The following TOX variants were observed in gnomAD, a reference collection of about 807,000 sequenced individuals.
TOX encodes the protein thymocyte selection associated high mobility group box.
A neutral mutation model predicts 53.7 loss-of-function variants in TOX; 11 were observed. The observed-to-expected ratio is 0.20, with a 90% CI of 0.13 to 0.34. The LOEUF (loss-of-function observed/expected upper bound fraction) is 0.34. Among genes scored for constraint, TOX ranks in the 10% least tolerant of loss-of-function variants. TOX has a pLI of 1.00. For synonymous variants in TOX, 225 were observed against 245.3 expected, an observed-to-expected ratio of 0.92 and a Z score of 0.77; for missense variants, 570 against 664.6, an observed-to-expected ratio of 0.86 and a Z score of 1.56.
intron 1 of TOX, among the ~76,000 whole-genome samples, chr8:59,077,891 T>C (rs1804320551): frequency 6.6e-6 from 1 of 152,170 alleles, no homozygotes; most frequent in Non-Finnish European, 1.5e-5. Flanking sequence ...CCCTTAATCA[T>C]GGTAAGACAA....
At chr8:59,114,548 C>G (rs1468462050) in intron 1 of TOX, among the ~76,000 whole-genome samples, 2 of 152,028 alleles carry the variant, frequency 1.3e-5, no homozygotes, top group African/African-American at 4.8e-5. Flanking sequence ...GATAAAACTC[C>G]CAGGGGAATT....
intron 2 of TOX, among the ~76,000 whole-genome samples, chr8:58,950,973 T>C (rs765706042): frequency 6.6e-6 from 1 of 152,228 alleles, no homozygotes. Context: ...TACTGCTTTG[T>C]AACTAAGAAA....
At position 58,807,559 on chromosome 8, in the gene TOX, G is replaced by C; in HGVS notation, c.*188C>G. The C allele has an allele frequency of 1.7e-6, 1 of 596,438 alleles. No individual in the cohort carries two copies. The highest frequency in any genetic ancestry group is 2.8e-5 in the East Asian group (1 of 35,322). The allele number at this position is 596,438 out of a possible 1,614,324, so 36.9% of individuals were successfully genotyped here. On this transcript the variant is annotated 3_prime_UTR_variant, in exon 9 of 9. Transcript: ENST00000361421. ...AAGAAGAAAAACAATGTCCATAAAG[G>C]ATTAAAAAAATAATAAAGAAGCATG...
chr8:59,017,543 A>G (rs555830585), intron 1 of TOX, among the ~76,000 whole-genome samples: 61 of 152,222 alleles, frequency 4.0e-4, no homozygotes, highest in Non-Finnish European at 7.8e-4. Context: ...AATTTGAGAT[A>G]ATTTTCATAG....
At chr8:58,956,088 T>C (rs1350016992) in intron 2 of TOX, among the ~76,000 whole-genome samples, 1 of 152,150 alleles carries the variant, frequency 6.6e-6, no homozygotes, top group Non-Finnish European at 1.5e-5. Context: ...GGGAAAGCCA[T>C]GGCACATCTT....
chr8:58,968,733 A>G (rs1812948320), intron 1 of TOX, among the ~76,000 whole-genome samples: 2 of 152,186 alleles, frequency 1.3e-5, no homozygotes, highest in Admixed American at 6.5e-5. Context: ...AAGTAAGAAT[A>G]TTTTTCTACA....
At chr8:58,884,343 C>T (rs1811434049) in intron 3 of TOX, among the ~76,000 whole-genome samples, 1 of 152,092 alleles carries the variant, frequency 6.6e-6, no homozygotes, top group Non-Finnish European at 1.5e-5. Flanking sequence ...GAAGGTTATT[C>T]ATAGATCCAA....
chr8:58,960,637 C>T (rs999494268), intron 1 of TOX, among the ~76,000 whole-genome samples: 5 of 151,996 alleles, frequency 3.3e-5, no homozygotes, highest in Admixed American at 1.3e-4. Context: ...TTTCAGATAT[C>T]GAATTTATGT....
chr8:59,001,449 T>C (rs1037303754), intron 1 of TOX, among the ~76,000 whole-genome samples: 2 of 152,150 alleles, frequency 1.3e-5, no homozygotes, highest in African/African-American at 4.8e-5. Flanking sequence ...ATGGGAAAAG[T>C]GATTCTAGCA....
chr8:59,015,249 C>T (rs546506218), intron 1 of TOX, among the ~76,000 whole-genome samples: 46 of 152,304 alleles, frequency 3.0e-4, no homozygotes, highest in Admixed American at 2.6e-3. Context: ...CGATTCAGCA[C>T]GGGACACTGC....
At chr8:58,971,188 C>T (rs1389258449) in intron 1 of TOX, among the ~76,000 whole-genome samples, 1 of 152,216 alleles carries the variant, frequency 6.6e-6, no homozygotes, top group African/African-American at 2.4e-5. Flanking sequence ...CAAAAGCAAA[C>T]TGCGGGTGGG....
Position 59,118,778 on chromosome 8 carries a change from C to A in TOX, c.102+108G>T. 1.4e-6 allele frequency: 1 copy of A among 704,456 alleles called. No homozygotes were observed. The allele number at this position is 704,456 out of a possible 1,614,324, so 43.6% of individuals were successfully genotyped here. The stretch of plus-strand genomic sequence containing the variant: ...TGCAGCGGGCTGCGAGCCGAGCGCG[C>A]CCGGGACCGGCCTCCGCCAAGCCGG... On this transcript the variant is annotated intron_variant, in intron 1 of 8. Transcript: ENST00000361421. The surrounding 1 kb of genome is among the most constrained non-coding windows in gnomAD (Gnocchi z 4.1).
intron 1 of TOX, among the ~76,000 whole-genome samples, chr8:58,971,332 T>C (rs1042993121): frequency 2.6e-5 from 4 of 152,202 alleles, no homozygotes; most frequent in South Asian, 4.1e-4. Flanking sequence ...TAAGGCAGAA[T>C]AGGACAAAAT....
At chr8:58,808,026 C>A in intron 8 of TOX, 92 bp downstream of exon 8, 1 of 1,500,846 alleles carries the variant, frequency 6.7e-7, no homozygotes, top group South Asian at 1.3e-5. Flanking sequence ...TATCCCGGAT[C>A]ATGTTTTTGG....
intron 1 of TOX, among the ~76,000 whole-genome samples, chr8:59,115,188 A>G (rs1439527081): frequency 6.6e-6 from 1 of 152,148 alleles, no homozygotes; most frequent in Non-Finnish European, 1.5e-5. Context: ...AGTGAAGCCC[A>G]TTATTTCTCC....
Position 58,851,913 on chromosome 8 carries a change from A to G in TOX, c.412-108T>C. On this transcript the variant is annotated intron_variant, in intron 3 of 8. Coordinates refer to ENST00000361421, the MANE Select transcript of TOX (RefSeq NM_014729.3). This position sits in a 1 kb window ranked among gnomAD's most constrained non-coding sequence, Gnocchi z 4.4. ...AAGTAATAATTCTTTAGATTTCCAGATGTTCTGCTGAGTTACATACACATT... is the reference window on the plus strand; with the variant it reads ...AAGTAATAATTCTTTAGATTTCCAGGTGTTCTGCTGAGTTACATACACATT... The G allele has an allele frequency of 9.7e-7, 1 of 1,026,048 alleles. No individual in the cohort carries two copies. Among genetic ancestry groups the G allele is most frequent in the Non-Finnish European group, 1.2e-6 (1 of 808,132 alleles). 63.6% of individuals were successfully genotyped at this position (1,026,048 alleles called of 1,614,324 possible).
intron 3 of TOX, among the ~76,000 whole-genome samples, chr8:58,907,037 A>G (rs1387111110): frequency 6.6e-6 from 1 of 152,204 alleles, no homozygotes; most frequent in Non-Finnish European, 1.5e-5. Flanking sequence ...GGAATCCTCT[A>G]CAGATTGAAG....
At chr8:59,093,022 A>G (rs761964879) in intron 1 of TOX, among the ~76,000 whole-genome samples, 9 of 152,184 alleles carry the variant, frequency 5.9e-5, no homozygotes, top group African/African-American at 1.2e-4. Context: ...ACCAACAAGT[A>G]AGTGAGTATT....
rs141915395 is a variant in TOX, at chr8:58,968,852, A to G, written c.103-8844T>C. Among the ~76,000 whole-genome samples the G allele has an allele frequency of 6.3e-3, 960 of 152,332 alleles. 48 individuals are homozygous for G. The East Asian group carries it at 0.089, about 14-fold the overall frequency. ...CTGGAAAGGTTATGGGAAGAGAATG[A>G]CAGATGTATTAAAAAGAACAACAGA... On this transcript the variant is annotated intron_variant, in intron 1 of 8. Transcript: ENST00000361421.
Sources: allele counts gnomAD v4.1 joint callset (sites outside exome capture counted in the v4.1 genomes callset), GRCh38; gene constraint gnomAD v4.1.1; non-coding constraint Gnocchi (gnomAD v3.1); transcripts MANE v1.5; gene names NCBI Gene and HGNC (gene_info 2026-07-23, HGNC 2026-07-21).